The following CYP7B1 variants were observed in gnomAD, a reference collection of about 807,000 sequenced individuals.
CYP7B1 encodes the protein cytochrome P450 7B1.
CYP7B1 carries 29 observed loss-of-function variants against 42.7 expected under a neutral mutation model. The ratio of observed to expected loss-of-function variants is 0.68; its 90% CI spans 0.51 to 0.93. The LOEUF is 0.93. CYP7B1 is among the 40% of genes least tolerant of loss of function. The pLI is 0.00. For missense variants in CYP7B1, 655 were observed against 600.5 expected (o/e 1.09, Z -0.95); for synonymous variants, 235 against 218.2 (o/e 1.08, Z -0.68).
At chr8:64,781,198 G>A (rs1804417011) in intron 1 of CYP7B1, among the ~76,000 whole-genome samples, 1 of 152,062 alleles carries the variant, frequency 6.6e-6, no homozygotes, top group Non-Finnish European at 1.5e-5. Flanking sequence ...CTCCTCATAA[G>A]TAACCAGCAA....
At chr8:64,655,835 A>G (rs1469639440) in intron 1 of CYP7B1, among the ~76,000 whole-genome samples, 3 of 152,262 alleles carry the variant, frequency 2.0e-5, no homozygotes, top group African/African-American at 7.2e-5. Flanking sequence ...ACCATAAAAA[A>G]GAATGAAATC....
chr8:64,668,367 G>A (rs547525051), intron 1 of CYP7B1, among the ~76,000 whole-genome samples: 2 of 152,012 alleles, frequency 1.3e-5, no homozygotes, highest in South Asian at 4.2e-4. Flanking sequence ...TAATATGAAT[G>A]TGTCATCTCT....
chr8:64,777,576 C>A (rs1348841502), intron 1 of CYP7B1, among the ~76,000 whole-genome samples: 1 of 152,022 alleles, frequency 6.6e-6, no homozygotes, highest in East Asian at 1.9e-4. Context: ...AGAAACAGCC[C>A]GAATCACATT....
chr8:64,675,162 A>C (rs1348357543), intron 1 of CYP7B1, among the ~76,000 whole-genome samples: 3 of 152,124 alleles, frequency 2.0e-5, no homozygotes, highest in East Asian at 1.9e-4. Context: ...ATTCATTTCA[A>C]GTACAAGTTC....
rs1443536861 is a variant in CYP7B1, at chr8:64,595,415, C to T, written c.*1227G>A. Among the ~76,000 whole-genome samples, 1 of 152,138 alleles carries T rather than the reference C, an allele frequency of 6.6e-6. No individual in the cohort carries two copies. The highest frequency in any genetic ancestry group is 2.4e-5 in the African/African-American group (1 of 41,426). On this transcript the variant is annotated 3_prime_UTR_variant, in exon 6 of 6. Coordinates refer to ENST00000310193, the MANE Select transcript of CYP7B1 (RefSeq NM_004820.5). Reference sequence around the variant, plus strand: ...ATTAACGAAGCATGAATTAACTGGACTTTATTACCTGCCTTGCCTGCTTAT... The same window carrying T: ...ATTAACGAAGCATGAATTAACTGGATTTTATTACCTGCCTTGCCTGCTTAT...
intron 1 of CYP7B1, among the ~76,000 whole-genome samples, chr8:64,638,080 G>C (rs77737233): frequency 0.021 from 3,201 of 151,650 alleles, 111 homozygotes; most frequent in African/African-American, 0.072. Flanking sequence ...ATTCATAAAT[G>C]CAATTTCTAC....
intron 1 of CYP7B1, among the ~76,000 whole-genome samples, chr8:64,753,926 G>A (rs1351443697): frequency 2.0e-5 from 3 of 152,092 alleles, no homozygotes; most frequent in Non-Finnish European, 4.4e-5. Context: ...GGCCAGTGTG[G>A]TTGGTGCTCA....
intron 4 of CYP7B1, among the ~76,000 whole-genome samples, chr8:64,612,761 CT>C (rs561503425): frequency 1.3e-5 from 2 of 151,926 alleles, no homozygotes; most frequent in Admixed American, 6.6e-5. Context: ...AAAGTTTAAA[CT>C]TTTTTTTAAG....
intron 1 of CYP7B1, among the ~76,000 whole-genome samples, chr8:64,791,271 A>G (rs1272840137): frequency 6.6e-6 from 1 of 152,196 alleles, no homozygotes; most frequent in Non-Finnish European, 1.5e-5. Flanking sequence ...TAAGGTCATT[A>G]TTGATATCAA....
intron 1 of CYP7B1, among the ~76,000 whole-genome samples, chr8:64,699,537 C>A (rs1806881253): frequency 6.6e-6 from 1 of 151,996 alleles, no homozygotes; most frequent in South Asian, 2.1e-4. Flanking sequence ...TTACTATCAG[C>A]TTAAAATAGG....
intron 1 of CYP7B1, among the ~76,000 whole-genome samples, chr8:64,737,915 T>C (rs1026892633): frequency 1.3e-5 from 2 of 152,234 alleles, no homozygotes; most frequent in African/African-American, 4.8e-5. Flanking sequence ...TGGTGATCTC[T>C]TTTGTGTAGA....
rs569111970 is a variant in CYP7B1 at position 64,779,663 on chromosome 8, G to T, written c.122+18803C>A. ...ATGATTTGAGTATTCATAGTTCTAA[G>T]ATACAGCTAATAAAAAGCACTGCTT... On this transcript the variant is annotated intron_variant, in intron 1 of 5. Coordinates refer to ENST00000310193, the MANE Select transcript of CYP7B1 (RefSeq NM_004820.5). 2.0e-5 allele frequency among the ~76,000 whole-genome samples: 3 copies of T among 152,192 alleles called. No homozygotes were observed. In the East Asian group the frequency reaches 5.8e-4, roughly 29 times the overall value.
At chr8:64,637,028 C>A (rs1805784036) in intron 1 of CYP7B1, among the ~76,000 whole-genome samples, 1 of 152,096 alleles carries the variant, frequency 6.6e-6, no homozygotes, top group African/African-American at 2.4e-5. Context: ...AATTAGAACC[C>A]ACAGTTTTGT....
intron 1 of CYP7B1, among the ~76,000 whole-genome samples, chr8:64,798,162 G>T (rs961114173): frequency 6.6e-6 from 1 of 152,100 alleles, no homozygotes; most frequent in Non-Finnish European, 1.5e-5. Flanking sequence ...ATATCAACTC[G>T]CAGTGGCAAG....
At chr8:64,668,351 A>T (rs1474399895) in intron 1 of CYP7B1, among the ~76,000 whole-genome samples, 1 of 152,178 alleles carries the variant, frequency 6.6e-6, no homozygotes, top group Non-Finnish European at 1.5e-5. Flanking sequence ...TGAACTGATA[A>T]CTATATAATA....
rs991485752 is a variant in CYP7B1 at position 64,591,835 on chromosome 8, A to G, written c.*4807T>C. 6.6e-6 allele frequency among the ~76,000 whole-genome samples: 1 copy of G among 152,156 alleles called. No individual in the cohort carries two copies. Among genetic ancestry groups the G allele is most frequent in the African/African-American group, 2.4e-5 (1 of 41,432 alleles). ...TTACGTTGGTCATTGATATAAAACAATATTTTGGGTATTAATTATTTATTT... is the reference window on the plus strand; with the variant it reads ...TTACGTTGGTCATTGATATAAAACAGTATTTTGGGTATTAATTATTTATTT... On this transcript the variant is annotated 3_prime_UTR_variant, in exon 6 of 6. Transcript: ENST00000310193.
intron 1 of CYP7B1, among the ~76,000 whole-genome samples, chr8:64,644,646 GC>G (rs1364194605): frequency 6.6e-6 from 1 of 152,080 alleles, no homozygotes; most frequent in Non-Finnish European, 1.5e-5. Context: ...TTTTCTCTGA[GC>G]AGTAGGTCTC....
intron 1 of CYP7B1, among the ~76,000 whole-genome samples, chr8:64,699,640 C>T (rs1301022049): frequency 4.6e-5 from 7 of 152,004 alleles, no homozygotes; most frequent in Non-Finnish European, 1.0e-4. Context: ...TTTTATTCTT[C>T]TACAATCAGT....
intron 1 of CYP7B1, among the ~76,000 whole-genome samples, chr8:64,685,244 GC>G (rs1806605726): frequency 6.7e-6 from 1 of 149,812 alleles, no homozygotes; most frequent in African/African-American, 2.5e-5. Context: ...GCCTGCCTTG[GC>G]CTCCCAAAGT....
Sources: gnomAD v4.1 joint callset for allele counts (sites outside exome capture counted in the v4.1 genomes callset) on GRCh38, gnomAD v4.1.1 for gene constraint, MANE v1.5 for transcripts, NCBI Gene and HGNC (gene_info 2026-07-23, HGNC 2026-07-21) for gene names.